Variants in CCDC68 observed in about 807,000 individuals in gnomAD.
CCDC68 encodes coiled-coil domain-containing protein 68.
In CCDC68, 45 loss-of-function variants were observed where a neutral mutation model predicts 47.1. The observed-to-expected ratio is 0.96, with a 90% CI of 0.75 to 1.23. CCDC68 has a LOEUF of 1.23. Ranked by LOEUF, CCDC68 falls within the 50% of genes most tolerant of loss-of-function variation. The pLI, the probability that CCDC68 is intolerant of heterozygous loss-of-function variation, is 0.00. For missense variants in CCDC68, 353 were observed against 373.6 expected (o/e 0.94, Z 0.45); for synonymous variants, 131 against 129.5 (o/e 1.01, Z -0.08).
chr18:54,909,105 T>C (rs1025036912), intron 10 of CCDC68, among the ~76,000 whole-genome samples: 6 of 152,210 alleles, frequency 3.9e-5, no homozygotes, highest in African/African-American at 1.4e-4. Flanking sequence ...TGTTTCCTCC[T>C]GTCCAGAGCC....
chr18:54,906,951 T>C (rs1470091557), intron 11 of CCDC68, among the ~76,000 whole-genome samples: 1 of 152,226 alleles, frequency 6.6e-6, no homozygotes, highest in Non-Finnish European at 1.5e-5. Flanking sequence ...CCTGAATTCC[T>C]AGACTGATGC....
intron 11 of CCDC68, among the ~76,000 whole-genome samples, chr18:54,906,721 T>C (rs960766095): frequency 1.3e-5 from 2 of 152,182 alleles, no homozygotes; most frequent in Non-Finnish European, 1.5e-5. Context: ...GCTTCTGAAA[T>C]GTAGGCATTT....
At chr18:54,939,359 T>C (rs1360722804) in intron 4 of CCDC68, among the ~76,000 whole-genome samples, 1 of 152,182 alleles carries the variant, frequency 6.6e-6, no homozygotes, top group African/African-American at 2.4e-5. Context: ...TCAGTGCTTT[T>C]CAAACTTCAA....
Position 54,958,618 on chromosome 18 carries a change from A to G in CCDC68, c.-103+718T>C, listed in dbSNP as rs577574626. On this transcript the variant is annotated intron_variant, in intron 1 of 11. Coordinates refer to ENST00000591504, the MANE Select transcript of CCDC68 (RefSeq NM_025214.3). Reference sequence around the variant, plus strand: ...GGGCTTGTTGCTTGTTCTGATCCTTATATTCAATTTTGTCTTCACTTCCAA... The same window carrying G: ...GGGCTTGTTGCTTGTTCTGATCCTTGTATTCAATTTTGTCTTCACTTCCAA... 2.0e-5 allele frequency among the ~76,000 whole-genome samples: 3 copies of G among 152,314 alleles called. No homozygotes were observed. The South Asian group carries it at 6.2e-4, about 32-fold the overall frequency.
intron 11 of CCDC68, among the ~76,000 whole-genome samples, chr18:54,904,630 T>G (rs1174880754): frequency 6.6e-6 from 1 of 152,162 alleles, no homozygotes; most frequent in Non-Finnish European, 1.5e-5. Context: ...CAAATTCTGC[T>G]AGATGTAACA....
intron 7 of CCDC68, among the ~76,000 whole-genome samples, chr18:54,930,636 T>TCCCC (rs1568147444): frequency 4.5e-4 from 2 of 4,422 alleles, no homozygotes; most frequent in African/African-American, 6.4e-4. Context: ...CCTCCCTCCC[T>TCCCC]CCCTCCCTCC....
At chr18:54,905,958 T>C (rs1913982757) in intron 11 of CCDC68, among the ~76,000 whole-genome samples, 1 of 152,208 alleles carries the variant, frequency 6.6e-6, no homozygotes, top group African/African-American at 2.4e-5. Context: ...GTGCTCCTTA[T>C]GAGAATCTAA....
At chr18:54,943,830 G>A (rs1466867143) in intron 2 of CCDC68, among the ~76,000 whole-genome samples, 1 of 152,008 alleles carries the variant, frequency 6.6e-6, no homozygotes, top group Non-Finnish European at 1.5e-5. Context: ...TATCATAAAA[G>A]AAAAAATAAA....
chr18:54,938,248 T>C (rs1157345597), intron 4 of CCDC68, 151 bp from the exon 5 acceptor site: 1 of 679,618 alleles, frequency 1.5e-6, no homozygotes, highest in African/African-American at 1.9e-5. Context: ...AATGGGAAAT[T>C]CTAGATGAAG....
rs142887413 is a variant in CCDC68 at position 54,926,541 on chromosome 18, A to G, written c.683+2259T>C. 8.7e-4 allele frequency among the ~76,000 whole-genome samples: 132 copies of G among 152,310 alleles called. 1 individual carries two copies. The highest frequency in any genetic ancestry group is 3.2e-3 in the African/African-American group (131 of 41,562). On this transcript the variant is annotated intron_variant, in intron 8 of 11. Coordinates refer to ENST00000591504, the MANE Select transcript of CCDC68 (RefSeq NM_025214.3). ...AAGATTCTCATCTTTTCGGGTGGGG[A>G]CACAGCCAAACCATATCAATCCCAA...
At chr18:54,957,008 T>A (rs1001311990) in intron 1 of CCDC68, among the ~76,000 whole-genome samples, 6 of 152,204 alleles carry the variant, frequency 3.9e-5, no homozygotes, top group African/African-American at 1.4e-4. Context: ...AATGTAACTG[T>A]AGTCTTATTT....
intron 1 of CCDC68, among the ~76,000 whole-genome samples, chr18:54,953,551 TAG>T (rs35449564): frequency 2.8e-4 from 42 of 150,620 alleles, no homozygotes; most frequent in African/African-American, 1.0e-3. Flanking sequence ...TATATATATA[TAG>T]AGAGAGAGAG....
chr18:54,940,039 G>T lies in CCDC68; in HGVS notation c.204+958C>A, dbSNP rs143098248. On this transcript the variant is annotated intron_variant, in intron 4 of 11. Transcript: ENST00000591504. ...AGCCTCATCTCACCTTCCTGGGATG[G>T]TTCTTCTTCCTGATATCTAAACATT... 7.2e-4 allele frequency among the ~76,000 whole-genome samples: 109 copies of T among 152,166 alleles called. 1 individual carries two copies. The East Asian group carries it at 0.019, about 26-fold the overall frequency.
chr18:54,917,995 A>C lies in CCDC68; in HGVS notation c.791T>G (p.Met264Arg). Residue 264 changes from methionine (M) to arginine (R), a missense_variant and splice_region_variant, in exon 10 of 12, where the codon ATG becomes AGG. Physicochemically the swap from Met to Arg is moderately conservative, Grantham distance 91 (BLOSUM62 -1). Coordinates refer to ENST00000591504, the MANE Select transcript of CCDC68 (RefSeq NM_025214.3). ...HQNLRSVIQEMEGLKNNLKEQ... is the reference protein window; with the variant it reads ...HQNLRSVIQEREGLKNNLKEQ... ...TTTTAAATTATTTTTTAATCCTTCC[A>C]TCTAAGAATTAGAAAACACAATAGG... The C allele has an allele frequency of 1.5e-6, 2 of 1,365,200 alleles. No homozygotes were observed. Among genetic ancestry groups the C allele is most frequent in the Non-Finnish European group, 1.0e-6 (1 of 970,524 alleles). 84.6% of individuals were successfully genotyped at this position (1,365,200 alleles called of 1,614,324 possible).
At chr18:54,928,355 A>T (rs2044179828) in intron 8 of CCDC68, among the ~76,000 whole-genome samples, 2 of 152,188 alleles carry the variant, frequency 1.3e-5, no homozygotes, top group African/African-American at 4.8e-5. Context: ...ACCTTACAGA[A>T]TTAAGGAGTA....
chr18:54,937,021 G>A (rs2044361569), intron 5 of CCDC68, 63 bp from the exon 6 acceptor site: 5 of 1,537,014 alleles, frequency 3.3e-6, no homozygotes, highest in Non-Finnish European at 3.6e-6. Context: ...AGGCAGAACA[G>A]TTTGATGGGC....
chr18:54,928,430 T>A (rs2044181546), intron 8 of CCDC68, among the ~76,000 whole-genome samples: 1 of 152,106 alleles, frequency 6.6e-6, no homozygotes, highest in South Asian at 2.1e-4. Flanking sequence ...TAGAAGTGAC[T>A]CATTAATAAA....
chr18:54,949,493 G>A (rs181953029), intron 1 of CCDC68, among the ~76,000 whole-genome samples: 12 of 152,340 alleles, frequency 7.9e-5, no homozygotes, highest in Admixed American at 4.6e-4. Flanking sequence ...CAAAGACAGA[G>A]TGAAGCTGTC....
intron 1 of CCDC68, among the ~76,000 whole-genome samples, chr18:54,950,788 G>GTATGTATATATATATATATATATA (rs2044600827): frequency 1.0e-5 from 1 of 97,304 alleles, no homozygotes; most frequent in Non-Finnish European, 2.1e-5. Context: ...TATCTTCAGT[G>GTATGTATATATATATATATATATA]TATATATATA....
Sources: gnomAD v4.1 joint callset for allele counts (sites outside exome capture counted in the v4.1 genomes callset) on GRCh38, gnomAD v4.1.1 for gene constraint, MANE v1.5 for transcripts, NCBI Gene and HGNC (gene_info 2026-07-23, HGNC 2026-07-21) for gene names.